The following KCNIP3 variants were observed in gnomAD, a reference collection of about 807,000 sequenced individuals.
KCNIP3 encodes the protein calsenilin.
Under a neutral mutation model 35.0 loss-of-function variants are expected in KCNIP3, and 28 were observed. The observed-to-expected ratio is 0.80, with a 90% CI of 0.59 to 1.10. The LOEUF is 1.10. KCNIP3 is among the 50% of genes least tolerant of loss of function. The pLI is 0.00. For missense variants in KCNIP3, 295 were observed against 338.4 expected, an observed-to-expected ratio of 0.87 and a Z score of 1.01; for synonymous variants, 134 against 133.8, an observed-to-expected ratio of 1.00 and a Z score of -0.01.
chr2:95,319,077 A>G (rs912111159), intron 2 of KCNIP3, among the ~76,000 whole-genome samples: 1 of 152,244 alleles, frequency 6.6e-6, no homozygotes, highest in Non-Finnish European at 1.5e-5. Context: ...GGCACATAAA[A>G]TACCTGTCAA....
intron 2 of KCNIP3, among the ~76,000 whole-genome samples, chr2:95,320,662 G>A (rs943959399): frequency 1.3e-5 from 2 of 152,048 alleles, no homozygotes; most frequent in South Asian, 2.1e-4. Flanking sequence ...TCACCCTGGC[G>A]GCCACTGGCC....
chr2:95,350,535 C>T (rs1407727652), intron 2 of KCNIP3, among the ~76,000 whole-genome samples: 8 of 152,182 alleles, frequency 5.3e-5, no homozygotes, highest in Admixed American at 2.0e-4. Flanking sequence ...CTCCTGCTGG[C>T]GAACCTGAGG....
chr2:95,380,542 A>G (rs1680310714), intron 5 of KCNIP3, among the ~76,000 whole-genome samples: 1 of 152,090 alleles, frequency 6.6e-6, no homozygotes, highest in South Asian at 2.1e-4. Context: ...GGAGGGTTTC[A>G]CCTTTAAACC....
chr2:95,321,221 G>A (rs773846881), intron 2 of KCNIP3, among the ~76,000 whole-genome samples: 3 of 152,182 alleles, frequency 2.0e-5, no homozygotes, highest in African/African-American at 4.8e-5. Context: ...AGCCGGTTTC[G>A]CAGCACCTTA....
chr2:95,380,733 C>T (rs979594003), intron 5 of KCNIP3, among the ~76,000 whole-genome samples: 10 of 152,184 alleles, frequency 6.6e-5, no homozygotes, highest in East Asian at 1.9e-4. Flanking sequence ...CAGGTTTGGG[C>T]GAGGTGGCCC....
chr2:95,325,621 ACACACT>A (rs1407642063), intron 2 of KCNIP3, among the ~76,000 whole-genome samples: 1 of 151,696 alleles, frequency 6.6e-6, no homozygotes, highest in Non-Finnish European at 1.5e-5. Flanking sequence ...ACGTACACAC[ACACACT>A]CACACACACA....
chr2:95,354,622 A>T (rs2104277775), intron 2 of KCNIP3, among the ~76,000 whole-genome samples: 1 of 152,280 alleles, frequency 6.6e-6, no homozygotes, highest in South Asian at 2.1e-4. Flanking sequence ...AACACTGCAC[A>T]TGCCCTCTGC....
At chr2:95,381,977 C>T (rs1295079017) in intron 6 of KCNIP3, among the ~76,000 whole-genome samples, 3 of 152,168 alleles carry the variant, frequency 2.0e-5, no homozygotes, top group Non-Finnish European at 2.9e-5. Context: ...CAAAAGGCCT[C>T]GGGGAGATTT....
At chr2:95,374,562 C>A in intron 3 of KCNIP3, 142 bp downstream of exon 3, 1 of 1,113,898 alleles carries the variant, frequency 9.0e-7, no homozygotes, top group Non-Finnish European at 1.3e-6. Flanking sequence ...CGGGGGCAGG[C>A]TCCGGAATGG....
chr2:95,374,751 C>T (rs1040206257), intron 3 of KCNIP3, 97 bp from the exon 4 acceptor site: 3 of 1,396,740 alleles, frequency 2.1e-6, no homozygotes, highest in Middle Eastern at 3.9e-4. Flanking sequence ...CAGCAGGCAG[C>T]CCCCAAGGGG....
At position 95,377,639 on chromosome 2, in the gene KCNIP3, C is replaced by CTGTG. The variant is rs1223805598; in HGVS notation, c.447+2433_447+2436dup. Reference sequence around the variant, plus strand: ...GGAGTTACAACTTGCCATGGTTGCACTGTGTATGGCCAAGGAATTTAGAAC... The same window carrying CTGTG: ...GGAGTTACAACTTGCCATGGTTGCACTGTGTGTGTATGGCCAAGGAATTTAGAAC... On this transcript the variant is annotated intron_variant, in intron 5 of 8. Coordinates refer to ENST00000295225, the MANE Select transcript of KCNIP3 (RefSeq NM_013434.5). This position sits in a 1 kb window ranked among gnomAD's most constrained non-coding sequence, Gnocchi z 4.7. 6.6e-6 allele frequency among the ~76,000 whole-genome samples: 1 copy of CTGTG among 152,236 alleles called. No individual in the cohort carries two copies. Among genetic ancestry groups the CTGTG allele is most frequent in the African/African-American group, 2.4e-5 (1 of 41,454 alleles).
intron 5 of KCNIP3, 87 bp downstream of exon 5, chr2:95,375,295 G>A (rs1031392047): frequency 8.9e-6 from 11 of 1,234,294 alleles, no homozygotes; most frequent in East Asian, 4.7e-5. Context: ...CAGGGCTGTC[G>A]AGAGAGCCAT....
intron 1 of KCNIP3, among the ~76,000 whole-genome samples, chr2:95,301,534 G>A (rs889378960): frequency 6.6e-6 from 1 of 152,190 alleles, no homozygotes; most frequent in African/African-American, 2.4e-5. Context: ...TTTTCCTGGG[G>A]GAAGTATGAA....
At chr2:95,304,952 C>T (rs944411331) in intron 1 of KCNIP3, among the ~76,000 whole-genome samples, 2 of 152,204 alleles carry the variant, frequency 1.3e-5, no homozygotes, top group Admixed American at 1.3e-4. Context: ...CTCTATCCTT[C>T]AGGGAAACTT....
intron 2 of KCNIP3, among the ~76,000 whole-genome samples, chr2:95,358,923 A>G (rs998263554): frequency 6.6e-6 from 1 of 152,238 alleles, no homozygotes; most frequent in African/African-American, 2.4e-5. Flanking sequence ...ACTTGAGATC[A>G]GGAGTTGGAC....
At chr2:95,335,408 C>CCATT (rs1331895999) in intron 2 of KCNIP3, among the ~76,000 whole-genome samples, 3 of 152,232 alleles carry the variant, frequency 2.0e-5, no homozygotes, top group Non-Finnish European at 4.4e-5. Context: ...AAATGTTCTT[C>CCATT]CATTGTATTC....
chr2:95,369,214 T>C (rs1305643230), intron 2 of KCNIP3, among the ~76,000 whole-genome samples: 7 of 152,254 alleles, frequency 4.6e-5, no homozygotes, highest in African/African-American at 1.7e-4. Flanking sequence ...TCAATTGATA[T>C]GATTATGTGC....
At chr2:95,338,606 T>G (rs544555653) in intron 2 of KCNIP3, among the ~76,000 whole-genome samples, 60 of 152,002 alleles carry the variant, frequency 3.9e-4, no homozygotes, top group Non-Finnish European at 7.4e-4. Flanking sequence ...CCCCGGGAAA[T>G]GTAATTCTGT....
chr2:95,316,353 C>T (rs1280601251), intron 2 of KCNIP3, among the ~76,000 whole-genome samples: 4 of 152,238 alleles, frequency 2.6e-5, no homozygotes, highest in African/African-American at 9.6e-5. Flanking sequence ...GGCGCAGCAG[C>T]TCGTCTTTCC....
Sources: allele counts gnomAD v4.1 joint callset (sites outside exome capture counted in the v4.1 genomes callset), GRCh38; gene constraint gnomAD v4.1.1; non-coding constraint Gnocchi (gnomAD v3.1); transcripts MANE v1.5; gene names NCBI Gene and HGNC (gene_info 2026-07-23, HGNC 2026-07-21).